ITPKB: variants seen among roughly 807,000 people sequenced by gnomAD.
The protein encoded by ITPKB is IP3 3-kinase B.
Under a neutral mutation model 69.4 loss-of-function variants are expected in ITPKB, and 13 were observed. That is an observed-to-expected ratio of 0.19 (90% CI 0.12 to 0.30). The LOEUF (loss-of-function observed/expected upper bound fraction) is 0.30, where lower values mean the gene tolerates loss of function less well. Ranked by LOEUF, ITPKB falls within the 10% of genes least tolerant of loss-of-function variation. ITPKB has a pLI of 1.00. For synonymous variants in ITPKB, 584 were observed against 513.7 expected, an observed-to-expected ratio of 1.14 and a Z score of -1.85; for missense variants, 1,240 against 1,250.5, an observed-to-expected ratio of 0.99 and a Z score of 0.13.
At chr1:226,713,718 C>T (rs1657030102) in intron 2 of ITPKB, among the ~76,000 whole-genome samples, 2 of 152,348 alleles carry the variant, frequency 1.3e-5, no homozygotes, top group Middle Eastern at 3.4e-3. Flanking sequence ...CCTCCTGCTG[C>T]TTGACACTTG....
rs539274340 is a variant in ITPKB, at chr1:226,686,083, G to GCCT, written c.1933-37313_1933-37312insAGG. ...AAGGAAAGGGAATGGCAGATAAAGCGACCCCCCGCCCTAAAAGGCTTACCA... is the reference window on the plus strand; with the variant it reads ...AAGGAAAGGGAATGGCAGATAAAGCGCCTACCCCCCGCCCTAAAAGGCTTACCA... On this transcript the variant is annotated intron_variant, in intron 2 of 7. Transcript: ENST00000429204. Among the ~76,000 whole-genome samples the GCCT allele has an allele frequency of 2.0e-4, 31 of 152,214 alleles. 1 individual carries two copies. The East Asian group carries it at 5.8e-3, about 28-fold the overall frequency.
chr1:226,698,442 G>A (rs1189070930), intron 2 of ITPKB, among the ~76,000 whole-genome samples: 2 of 152,212 alleles, frequency 1.3e-5, no homozygotes, highest in South Asian at 2.1e-4. Context: ...TTTCAGAATC[G>A]TAAGACTGGA....
intron 2 of ITPKB, among the ~76,000 whole-genome samples, chr1:226,688,543 C>G (rs562055028): frequency 2.0e-5 from 3 of 152,320 alleles, no homozygotes; most frequent in Admixed American, 2.0e-4. Flanking sequence ...CAGCAGCAGC[C>G]CAGCTGCTCG....
chr1:226,705,380 T>C (rs12405845), intron 2 of ITPKB, among the ~76,000 whole-genome samples: 29,481 of 151,838 alleles, frequency 0.19, 2,895 homozygotes, highest in Middle Eastern at 0.32. Flanking sequence ...AAATACAAAA[T>C]GAGCCGGGCG....
At chr1:226,649,957 G>A (rs963453672) in intron 2 of ITPKB, among the ~76,000 whole-genome samples, 13 of 152,198 alleles carry the variant, frequency 8.5e-5, no homozygotes, top group Non-Finnish European at 1.6e-4. Flanking sequence ...CCGTCCTCAG[G>A]GGGGCGATGA....
At chr1:226,714,392 T>G (rs1012625269) in intron 2 of ITPKB, among the ~76,000 whole-genome samples, 1 of 152,220 alleles carries the variant, frequency 6.6e-6, no homozygotes, top group African/African-American at 2.4e-5. Flanking sequence ...ATTCTGGGGC[T>G]GTTTGTTACT....
chr1:226,649,332 TGC>T (rs964898138), intron 2 of ITPKB, among the ~76,000 whole-genome samples: 9 of 140,834 alleles, frequency 6.4e-5, no homozygotes, highest in African/African-American at 2.6e-4. Context: ...CATGAGTGTG[TGC>T]GTATGTGTGC....
At chr1:226,715,434 T>C (rs1048323229) in intron 2 of ITPKB, among the ~76,000 whole-genome samples, 1 of 152,230 alleles carries the variant, frequency 6.6e-6, no homozygotes, top group Non-Finnish European at 1.5e-5. Flanking sequence ...CAAATGCAAG[T>C]ATAGTAACTC....
At chr1:226,644,035 T>C (rs1193224431) in intron 4 of ITPKB, among the ~76,000 whole-genome samples, 1 of 152,222 alleles carries the variant, frequency 6.6e-6, no homozygotes, top group Non-Finnish European at 1.5e-5. Flanking sequence ...GAGGGCGCTG[T>C]AGGGGACCGC....
chr1:226,733,544 C>G (rs1299456593), intron 2 of ITPKB, among the ~76,000 whole-genome samples: 1 of 152,094 alleles, frequency 6.6e-6, no homozygotes, highest in Non-Finnish European at 1.5e-5. Context: ...CCCATAATTT[C>G]CAGTTGGTTA....
intron 4 of ITPKB, among the ~76,000 whole-genome samples, chr1:226,643,031 C>G (rs959534732): frequency 6.6e-6 from 1 of 152,196 alleles, no homozygotes; most frequent in Non-Finnish European, 1.5e-5. Flanking sequence ...GCACCCCACC[C>G]CATCGACACC....
At chr1:226,649,558 C>T (rs10916023) in intron 2 of ITPKB, among the ~76,000 whole-genome samples, 56,779 of 149,054 alleles carry the variant, frequency 0.38, 11,097 homozygotes, top group East Asian at 0.61. Flanking sequence ...GTGTGATATG[C>T]ACATATGTGT....
chr1:226,707,720 AG>A (rs1656837708), intron 2 of ITPKB: 10 of 1,046,540 alleles, frequency 9.6e-6, no homozygotes, highest in Non-Finnish European at 1.2e-5. Flanking sequence ...TTCAAGGGAC[AG>A]TAAGACAATA....
At chr1:226,692,835 G>T (rs559118513) in intron 2 of ITPKB, among the ~76,000 whole-genome samples, 1 of 152,192 alleles carries the variant, frequency 6.6e-6, no homozygotes, top group South Asian at 2.1e-4. Context: ...AAAGAAAAGG[G>T]TAAAAAACTC....
chr1:226,645,120 C>T (rs1025783513), intron 4 of ITPKB, among the ~76,000 whole-genome samples: 1 of 152,210 alleles, frequency 6.6e-6, no homozygotes, highest in Admixed American at 6.5e-5. Flanking sequence ...TGGAACATGA[C>T]CCATCTCCCA....
rs930153551 is a variant in ITPKB at position 226,686,221 on chromosome 1, A to C, written c.1933-37450T>G. 2.6e-5 allele frequency among the ~76,000 whole-genome samples: 4 copies of C among 152,196 alleles called. No individual in the cohort carries two copies. The East Asian group carries it at 7.7e-4, about 29-fold the overall frequency. Reference sequence around the variant, plus strand: ...GGATGGGCAGGGGGCAAATCACAGAAGCATCTGCTCTTGAATCAACAGTGA... The same window carrying C: ...GGATGGGCAGGGGGCAAATCACAGACGCATCTGCTCTTGAATCAACAGTGA... On this transcript the variant is annotated intron_variant, in intron 2 of 7. Transcript: ENST00000429204.
chr1:226,691,763 C>T (rs1379832409), intron 2 of ITPKB, among the ~76,000 whole-genome samples: 2 of 152,220 alleles, frequency 1.3e-5, no homozygotes, highest in Non-Finnish European at 2.9e-5. Context: ...CAGCTGTGCT[C>T]TGCTCCCAAA....
chr1:226,734,911 A>T (rs1351007604), intron 2 of ITPKB, among the ~76,000 whole-genome samples: 2 of 152,226 alleles, frequency 1.3e-5, no homozygotes, highest in Admixed American at 6.5e-5. Context: ...TTCATACATC[A>T]AACTGCACCT....
intron 4 of ITPKB, 81 bp downstream of exon 4, chr1:226,647,086 G>T: frequency 7.6e-7 from 1 of 1,318,842 alleles, no homozygotes; most frequent in Non-Finnish European, 1.1e-6. Context: ...AGGCCTCCGG[G>T]AAGCCCTGAG....
Sources: gnomAD v4.1 joint callset for allele counts (sites outside exome capture counted in the v4.1 genomes callset) on GRCh38, gnomAD v4.1.1 for gene constraint, MANE v1.5 for transcripts, NCBI Gene and HGNC (gene_info 2026-07-23, HGNC 2026-07-21) for gene names.